The following ZMYND11 variants were observed in gnomAD, a reference collection of about 807,000 sequenced individuals.
The protein encoded by ZMYND11 is zinc finger MYND-type containing 11, also known as zinc finger MYND domain-containing protein 11.
A neutral mutation model predicts 84.9 loss-of-function variants in ZMYND11; 9 were observed. The observed-to-expected ratio is 0.11, with a 90% CI of 0.06 to 0.18. The LOEUF is 0.18. ZMYND11 is among the 10% of genes least tolerant of loss of function. The pLI, the probability that ZMYND11 is intolerant of heterozygous loss-of-function variation, is 1.00. For synonymous variants in ZMYND11, 250 were observed against 244.1 expected (o/e 1.02, Z -0.23); for missense variants, 409 against 761.0 (o/e 0.54, Z 5.44).
At chr10:169,653 T>G (rs1016574940) in intron 1 of ZMYND11, among the ~76,000 whole-genome samples, 36 of 152,068 alleles carry the variant, frequency 2.4e-4, no homozygotes, top group African/African-American at 8.7e-4. Context: ...GTAAAAAGCC[T>G]TTGGTGGGCT....
At chr10:241,673 G>C (rs1210141053) in intron 9 of ZMYND11, among the ~76,000 whole-genome samples, 2 of 152,250 alleles carry the variant, frequency 1.3e-5, no homozygotes, top group African/African-American at 2.4e-5. Context: ...TGTGAAGACA[G>C]TACTGTGCCA....
chr10:203,135 A>T (rs931164718), intron 2 of ZMYND11, among the ~76,000 whole-genome samples: 3 of 152,330 alleles, frequency 2.0e-5, no homozygotes, highest in African/African-American at 7.2e-5. Flanking sequence ...GTGAACTGTT[A>T]TAAGAATCCC....
chr10:136,672 T>A (rs529637457), intron 1 of ZMYND11, among the ~76,000 whole-genome samples: 1 of 152,224 alleles, frequency 6.6e-6, no homozygotes, highest in Non-Finnish European at 1.5e-5. Context: ...ATATTTACCT[T>A]ACCTGTTGTC....
rs781386126 is a variant in ZMYND11 at position 252,522 on chromosome 10, G to A, written c.*52G>A. ...ATGATTACTCTTTTCAGACACAGCG[G>A]TTTTTGTTTCCAAGAAGCCAAAATT... On this transcript the variant is annotated 3_prime_UTR_variant, in exon 15 of 15. Coordinates refer to ENST00000381604, the MANE Select transcript of ZMYND11 (RefSeq NM_001370100.5). This position sits in a 1 kb window ranked among gnomAD's most constrained non-coding sequence, Gnocchi z 4.6. The A allele has an allele frequency of 6.5e-7, 1 of 1,535,658 alleles. No homozygotes were observed.
At chr10:222,834 C>T (rs566648578) in intron 4 of ZMYND11, among the ~76,000 whole-genome samples, 6 of 152,126 alleles carry the variant, frequency 3.9e-5, no homozygotes, top group African/African-American at 1.4e-4. Context: ...ATATTTAATT[C>T]TTATTTTCAT....
intron 2 of ZMYND11, among the ~76,000 whole-genome samples, chr10:208,542 A>G (rs1306730464): frequency 3.3e-5 from 5 of 152,222 alleles, no homozygotes; most frequent in Admixed American, 1.3e-4. Context: ...ACATGAAAAA[A>G]TGTTTTTTGT....
chr10:162,504 TTATGCCTGTATATTAAAG>T (rs1554762278), intron 1 of ZMYND11, among the ~76,000 whole-genome samples: 1 of 151,950 alleles, frequency 6.6e-6, no homozygotes, highest in African/African-American at 2.4e-5. Flanking sequence ...AAACAATGAG[TTATGCCTGTATATTAAAG>T]CAGTATCCCT....
At chr10:186,765 T>C (rs1016167023) in intron 2 of ZMYND11, among the ~76,000 whole-genome samples, 1 of 151,814 alleles carries the variant, frequency 6.6e-6, no homozygotes, top group Non-Finnish European at 1.5e-5. Flanking sequence ...GGACTAATAA[T>C]TCTCATCTCT....
At chr10:136,619 C>T (rs1265112322) in intron 1 of ZMYND11, among the ~76,000 whole-genome samples, 1 of 152,004 alleles carries the variant, frequency 6.6e-6, no homozygotes, top group Non-Finnish European at 1.5e-5. Context: ...TGTGGTACTC[C>T]ATGTTATATA....
upstream of ZMYND11, among the ~76,000 whole-genome samples, chr10:131,385 C>T (rs1331765279): frequency 2.0e-5 from 3 of 152,146 alleles, no homozygotes; most frequent in Non-Finnish European, 4.4e-5. Flanking sequence ...AAGAGATGCC[C>T]GGAGCCTGGG....
chr10:234,740 C>T (rs1204359277), intron 4 of ZMYND11, among the ~76,000 whole-genome samples: 2 of 152,162 alleles, frequency 1.3e-5, no homozygotes, highest in African/African-American at 4.8e-5. Flanking sequence ...CCAAGAACAA[C>T]GTAGCAATCT....
chr10:186,084 A>G (rs1351249216), intron 2 of ZMYND11, among the ~76,000 whole-genome samples: 1 of 149,112 alleles, frequency 6.7e-6, no homozygotes, highest in African/African-American at 2.5e-5. Flanking sequence ...ATCTCGGCTC[A>G]CTGCAAGCTC....
chr10:249,603 A>AT, intron 14 of ZMYND11: 2 of 985,320 alleles, frequency 2.0e-6, no homozygotes, highest in South Asian at 9.4e-5. Flanking sequence ...GACTAGTATC[A>AT]TTTGTCATCG....
intron 1 of ZMYND11, among the ~76,000 whole-genome samples, chr10:150,016 G>GT (rs1839932499): frequency 6.6e-6 from 1 of 152,204 alleles, no homozygotes; most frequent in Non-Finnish European, 1.5e-5. Context: ...CGGTTTGCCA[G>GT]TATTTTATTG....
intron 10 of ZMYND11, chr10:244,746 G>C (rs558798429): frequency 6.6e-6 from 1 of 152,194 alleles, no homozygotes; most frequent in African/African-American, 2.4e-5. Context: ...CTTAAATTGC[G>C]GGTGTTTGCT....
intron 4 of ZMYND11, among the ~76,000 whole-genome samples, chr10:223,056 GTCTC>G (rs1352404030): frequency 2.7e-5 from 4 of 146,708 alleles, no homozygotes; most frequent in South Asian, 2.1e-4. Flanking sequence ...CTGAGACTGA[GTCTC>G]TCTCTGTCAT....
At chr10:200,348 ACAT>A (rs1942897059) in intron 2 of ZMYND11, among the ~76,000 whole-genome samples, 1 of 146,174 alleles carries the variant, frequency 6.8e-6, no homozygotes, top group African/African-American at 2.5e-5. Context: ...TAACATATAT[ACAT>A]ATATGTGTAT....
At chr10:163,884 G>A (rs1406570289) in intron 1 of ZMYND11, among the ~76,000 whole-genome samples, 1 of 152,002 alleles carries the variant, frequency 6.6e-6, no homozygotes, top group Non-Finnish European at 1.5e-5. Context: ...GTGGCCAGAT[G>A]GCTTTTTCTT....
intron 1 of ZMYND11, among the ~76,000 whole-genome samples, chr10:152,468 C>T (rs1030884934): frequency 1.4e-4 from 21 of 152,018 alleles, no homozygotes; most frequent in Middle Eastern, 3.4e-3. Context: ...AGAGACAAAG[C>T]CATTACATAT....
Sources: allele counts gnomAD v4.1 joint callset (sites outside exome capture counted in the v4.1 genomes callset), GRCh38; gene constraint gnomAD v4.1.1; non-coding constraint Gnocchi (gnomAD v3.1); transcripts MANE v1.5; gene names NCBI Gene and HGNC (gene_info 2026-07-23, HGNC 2026-07-21).